Variants in DRC10 observed in about 807,000 individuals in gnomAD.
DRC10 encodes IQ domain-containing protein D.
the DRC10 span, chr12:113,208,493 GGCATACAGACA>G: frequency 2.6e-6 from 1 of 384,386 alleles, no homozygotes; most frequent in Non-Finnish European, 4.2e-6. Context: ...GGACCAGCCA[GGCATACAGACA>G]GCATTCTAAG....
At chr12:113,220,643 GC>G in the DRC10 span, among the ~76,000 whole-genome samples, 22 of 152,310 alleles carry the variant, frequency 1.4e-4, no homozygotes, top group East Asian at 4.2e-3. Context: ...GGAACGTATG[GC>G]CGTTGGGTGA....
At chr12:113,208,034 T>C in the DRC10 span, 1 of 1,614,118 alleles carries the variant, frequency 6.2e-7, no homozygotes, top group Non-Finnish European at 8.5e-7. Context: ...TCAATGGTGG[T>C]GAGTTTGGTC....
At chr12:113,211,719 C>T in the DRC10 span, among the ~76,000 whole-genome samples, 129 of 152,266 alleles carry the variant, frequency 8.5e-4, no homozygotes, top group Admixed American at 2.0e-3. Flanking sequence ...TTCACACACA[C>T]TTCCTGCTCC....
chr12:113,215,303 C>T, the DRC10 span, among the ~76,000 whole-genome samples: 1 of 152,196 alleles, frequency 6.6e-6, no homozygotes, highest in Admixed American at 6.5e-5. Context: ...GACGTTCTAC[C>T]TGTGAAATGG....
At chr12:113,210,883 C>G in the DRC10 span, among the ~76,000 whole-genome samples, 1 of 152,134 alleles carries the variant, frequency 6.6e-6, no homozygotes, top group Non-Finnish European at 1.5e-5. Flanking sequence ...TTACCTGTGC[C>G]ACTTTTATTT....
chr12:113,207,595 C>T, the DRC10 span: 77 of 1,614,162 alleles, frequency 4.8e-5, no homozygotes, highest in Admixed American at 4.5e-4. Context: ...CAGGAAACCA[C>T]GGAGCTCTAT....
the DRC10 span, among the ~76,000 whole-genome samples, chr12:113,218,116 C>G: frequency 6.6e-6 from 1 of 151,392 alleles, no homozygotes; most frequent in East Asian, 1.9e-4. Flanking sequence ...ATCAATAGAG[C>G]TGAGGTTGAA....
the DRC10 span, among the ~76,000 whole-genome samples, chr12:113,198,361 C>G: frequency 6.6e-6 from 1 of 152,132 alleles, no homozygotes; most frequent in Non-Finnish European, 1.5e-5. Flanking sequence ...AGGCTGTATT[C>G]TCAGGAAAGG....
the DRC10 span, among the ~76,000 whole-genome samples, chr12:113,219,901 C>G: frequency 6.6e-6 from 1 of 152,142 alleles, no homozygotes; most frequent in African/African-American, 2.4e-5. Flanking sequence ...CTCCACCACC[C>G]GGGTTCAAGA....
the DRC10 span, chr12:113,197,402 C>T: frequency 6.3e-6 from 4 of 630,278 alleles, no homozygotes; most frequent in Non-Finnish European, 1.1e-5. Context: ...ACCCTTTAAA[C>T]AAAGGGAAGT....
chr12:113,220,704 G>A, the DRC10 span, among the ~76,000 whole-genome samples: 1 of 152,140 alleles, frequency 6.6e-6, no homozygotes, highest in East Asian at 1.9e-4. Context: ...TCCCATGTTT[G>A]ACTTGAAATA....
the DRC10 span, among the ~76,000 whole-genome samples, chr12:113,202,128 G>A: frequency 2.6e-5 from 4 of 152,258 alleles, no homozygotes; most frequent in Middle Eastern, 3.4e-3. Context: ...CTCCCTGCCC[G>A]AGGGCTCAGC....
the DRC10 span, among the ~76,000 whole-genome samples, chr12:113,219,923 T>C: frequency 6.6e-6 from 1 of 152,116 alleles, no homozygotes; most frequent in Non-Finnish European, 1.5e-5. Context: ...ATTCTCCCGC[T>C]CAGCCTCCTG....
At chr12:113,200,536 C>G in the DRC10 span, 54 of 1,253,432 alleles carry the variant, frequency 4.3e-5, no homozygotes, top group East Asian at 4.8e-4. Flanking sequence ...CCATCCCCCC[C>G]ACCAGGGGCC....
the DRC10 span, among the ~76,000 whole-genome samples, chr12:113,217,463 T>G: frequency 1.3e-5 from 2 of 152,344 alleles, no homozygotes; most frequent in East Asian, 3.8e-4. Flanking sequence ...TTAGAACATT[T>G]CTATCACTCC....
chr12:113,197,137 G>A, the DRC10 span, among the ~76,000 whole-genome samples: 143 of 152,004 alleles, frequency 9.4e-4, no homozygotes, highest in African/African-American at 3.4e-3. Context: ...ACACTAGATG[G>A]AGCCATGATC....
At chr12:113,200,846 C>A in the DRC10 span, 2 of 1,457,778 alleles carry the variant, frequency 1.4e-6, no homozygotes, top group Non-Finnish European at 1.8e-6. Flanking sequence ...TCCGTTAATA[C>A]CTCCATGCCC....
chr12:113,212,140 G>A, the DRC10 span, among the ~76,000 whole-genome samples: 1 of 151,502 alleles, frequency 6.6e-6, no homozygotes, highest in South Asian at 2.1e-4. Context: ...GTGTGATTTG[G>A]GCTCACTGCA....
chr12:113,201,310 A>G, the DRC10 span, among the ~76,000 whole-genome samples: 1 of 152,234 alleles, frequency 6.6e-6, no homozygotes, highest in African/African-American at 2.4e-5. Context: ...CTGAGGCTCA[A>G]GGAGGTGGCT....
Sources: allele counts gnomAD v4.1 joint callset (sites outside exome capture counted in the v4.1 genomes callset), GRCh38; gene constraint gnomAD v4.1.1; transcripts MANE v1.5; gene names NCBI Gene and HGNC (gene_info 2026-07-23, HGNC 2026-07-21).